The following CPLANE1 variants were observed in gnomAD, a reference collection of about 807,000 sequenced individuals.
The protein encoded by CPLANE1 is ciliogenesis and planar polarity effector complex subunit 1, also known as ciliogenesis and planar polarity effector 1.
Under a neutral mutation model 362.5 loss-of-function variants are expected in CPLANE1, and 263 were observed. The ratio of observed to expected loss-of-function variants is 0.73; its 90% CI spans 0.66 to 0.80. CPLANE1 has a LOEUF of 0.80. Ranked by LOEUF, CPLANE1 falls within the 30% of genes least tolerant of loss-of-function variation. The pLI is 0.00. For missense variants in CPLANE1, 3,461 were observed against 3,793.4 expected (o/e 0.91, Z 2.30); for synonymous variants, 1,212 against 1,302.6 (o/e 0.93, Z 1.50).
chr5:37,080,762 A>G, the CPLANE1 span, among the ~76,000 whole-genome samples: 1 of 152,182 alleles, frequency 6.6e-6, no homozygotes, highest in African/African-American at 2.4e-5. Context: ...CAGCTTAGAC[A>G]CCAGAAAGGC....
chr5:37,121,875 G>C, intron 48 of CPLANE1, 91 bp from the exon 49 acceptor site: 3 of 973,222 alleles, frequency 3.1e-6, no homozygotes, highest in Non-Finnish European at 4.5e-6. Context: ...CACCTAGCAT[G>C]TTCTGGTTTT....
intron 6 of CPLANE1, among the ~76,000 whole-genome samples, chr5:37,241,134 T>A (rs1800335139): frequency 2.0e-5 from 3 of 149,620 alleles, no homozygotes; most frequent in Admixed American, 6.7e-5. Flanking sequence ...AGACTCTGTC[T>A]CAAAAAAAAA....
rs74478954 is a variant in CPLANE1, at chr5:37,195,874, A to T, written c.3795T>A (p.Val1265=). Residue 1265 remains valine, a synonymous_variant, in exon 21 of 53, where the codon GTT becomes GTA. Transcript: ENST00000651892. ...GAAGDHKLDE[V]SIRAIGCFRE... The stretch of plus-strand genomic sequence containing the variant: ...TGGACAAACCTATTGCTCTAATGGA[A>T]ACTTCATCAAGCTTGTGGTCTCCAG... 9,086 of 1,610,988 alleles carry T rather than the reference A, an allele frequency of 5.6e-3. 116 individuals carry two copies. Among genetic ancestry groups the T allele is most frequent in the African/African-American group, 0.048 (3,619 of 74,806 alleles).
Position 37,232,758 on chromosome 5 carries a change from T to C in CPLANE1, c.939-1709A>G, listed in dbSNP as rs141711343. Among the ~76,000 whole-genome samples, 320 of 148,222 alleles carry C rather than the reference T, an allele frequency of 2.2e-3. 1 individual carries two copies. The highest frequency in any genetic ancestry group is 7.8e-3 in the African/African-American group (313 of 40,172). On this transcript the variant is annotated intron_variant, in intron 8 of 52. Transcript: ENST00000651892. ...AGTTGAGGCAGGCAGGGGGATAGCT[T>C]GAGCCTAGAAGTTTGAGGCTGCAGT... is the stretch of plus-strand genomic sequence containing the variant.
In CPLANE1 at chr5:37,142,574, C is replaced by T. The variant is rs554811663; in HGVS notation, c.8462-94G>A. ...TTGCCACTATTTCCAACTGGCAACC[C>T]AGATATTAGAAGTTTGTCACATATT... On this transcript the variant is annotated intron_variant, in intron 43 of 52. Coordinates refer to ENST00000651892, the MANE Select transcript of CPLANE1 (RefSeq NM_001384732.1). 102 of 762,960 alleles carry T rather than the reference C, an allele frequency of 1.3e-4. No individual in the cohort carries two copies. In the South Asian group the frequency reaches 2.2e-3, roughly 16 times the overall value. The allele number at this position is 762,960 out of a possible 1,614,324, so 47.3% of individuals were successfully genotyped here.
intron 15 of CPLANE1, among the ~76,000 whole-genome samples, chr5:37,217,774 C>T (rs181460231): frequency 2.0e-5 from 3 of 149,128 alleles, no homozygotes; most frequent in Non-Finnish European, 3.0e-5. Context: ...GTCAGGAGTT[C>T]GATACCAGCC....
Position 37,165,583 on chromosome 5 carries a change from A to T in CPLANE1, c.7489T>A (p.Ser2497Thr). The change falls in exon 36 of 53, where the codon TCC becomes ACC. Residue 2497 changes from serine (S) to threonine (T), a missense_variant. Ser to Thr is a moderately conservative substitution (Grantham distance 58). This residue lies in a region of CPLANE1 where 3,380 missense variants were observed against 3,666.1 expected (regional missense o/e 0.92). Transcript: ENST00000651892. ...KPNVTFRPEN[S>T]IINNDDSEII... is the part of the protein sequence containing the mutation. ...TCTGAATCATCATTATTAATTATGG[A>T]ATTCTCTGGTCGAAAAGTCACATTT... is the stretch of plus-strand genomic sequence containing the variant. 6.2e-7 allele frequency: 1 copy of T among 1,609,508 alleles called. No individual in the cohort carries two copies. Among genetic ancestry groups the T allele is most frequent in the Non-Finnish European group, 8.5e-7 (1 of 1,178,706 alleles).
intron 42 of CPLANE1, among the ~76,000 whole-genome samples, chr5:37,149,991 C>G (rs190266339): frequency 7.7e-4 from 118 of 152,316 alleles, no homozygotes; most frequent in Middle Eastern, 3.4e-3. Flanking sequence ...TAGCAAAAGA[C>G]ATTGTCCCTA....
In CPLANE1 at chr5:37,167,002, T is replaced by C. The variant is rs928159103; in HGVS notation, c.7400+45A>G. On this transcript the variant is annotated intron_variant, in intron 35 of 52. Transcript: ENST00000651892. ...GTGTGATTATAAATAATAATGAACTTGCTGATATATGATATTATCAAATAA... is the reference window on the plus strand; with the variant it reads ...GTGTGATTATAAATAATAATGAACTCGCTGATATATGATATTATCAAATAA... 3 of 1,415,090 alleles carry C rather than the reference T, an allele frequency of 2.1e-6. No individual in the cohort carries two copies. In the African/African-American group the frequency reaches 4.3e-5, roughly 20 times the overall value. The allele number at this position is 1,415,090 out of a possible 1,614,324, so 87.7% of individuals were successfully genotyped here.
chr5:37,130,140 C>G (rs1765354522), intron 46 of CPLANE1, among the ~76,000 whole-genome samples: 1 of 152,110 alleles, frequency 6.6e-6, no homozygotes. Flanking sequence ...TGAAATAACT[C>G]AGGAATGGAA....
At chr5:37,180,785 C>G in intron 27 of CPLANE1, 72 bp downstream of exon 27, 1 of 1,442,598 alleles carries the variant, frequency 6.9e-7, no homozygotes, top group Non-Finnish European at 9.6e-7. Flanking sequence ...AGGGTTTGAT[C>G]TTCCCTTTAA....
intron 18 of CPLANE1, chr5:37,205,100 T>G: frequency 7.4e-6 from 2 of 272,034 alleles, no homozygotes; most frequent in Non-Finnish European, 6.6e-6. Context: ...GAGTTTGCAG[T>G]GAGCTAAGAT....
Position 37,245,704 on chromosome 5 carries a change from C to T in CPLANE1, c.217+6G>A. ...TAGCCATTTGAAAATATCAGTACTA[C>T]TTAACCATTACTGGATGTTGTTAGG... On this transcript the variant is annotated splice_donor_region_variant and intron_variant, in intron 3 of 52. Coordinates refer to ENST00000651892, the MANE Select transcript of CPLANE1 (RefSeq NM_001384732.1). 6.6e-7 allele frequency: 1 copy of T among 1,506,102 alleles called. No individual in the cohort carries two copies. The highest frequency in any genetic ancestry group is 2.5e-5 in the East Asian group (1 of 40,092). The allele number at this position is 1,506,102 out of a possible 1,614,324, so 93.3% of individuals were successfully genotyped here.
At chr5:37,173,179 A>G (rs1320829606) in intron 32 of CPLANE1, among the ~76,000 whole-genome samples, 1 of 152,210 alleles carries the variant, frequency 6.6e-6, no homozygotes, top group Non-Finnish European at 1.5e-5. Context: ...ACAGAAAAAA[A>G]GGATAGCCAG....
At position 37,157,451 on chromosome 5, in the gene CPLANE1, A is replaced by T. The variant is rs776045761; in HGVS notation, c.8012-31T>A. The T allele has an allele frequency of 2.1e-6, 3 of 1,457,024 alleles. No homozygotes were observed. The Admixed American group carries it at 5.4e-5, about 26-fold the overall frequency. 90.3% of individuals were successfully genotyped at this position (1,457,024 alleles called of 1,614,324 possible). A position where few individuals can be genotyped will look rare whatever the true frequency, so the allele number is the denominator to read the frequency against. On this transcript the variant is annotated intron_variant, in intron 40 of 52. Coordinates refer to ENST00000651892, the MANE Select transcript of CPLANE1 (RefSeq NM_001384732.1). ...GGTTTAGAAAATAAATCCATAGAGG[A>T]ATTGGCTGATTCTATCAAGACTATG...
chr5:37,158,417 G>T, intron 38 of CPLANE1, 72 bp from the exon 39 acceptor site: 1 of 1,412,916 alleles, frequency 7.1e-7, no homozygotes, highest in African/African-American at 1.4e-5. Flanking sequence ...CATCAGCTTT[G>T]TATGAACAAG....
At chr5:37,194,466 T>C (rs926947626) in intron 21 of CPLANE1, among the ~76,000 whole-genome samples, 1 of 152,140 alleles carries the variant, frequency 6.6e-6, no homozygotes, top group Non-Finnish European at 1.5e-5. Context: ...ATAAATGAGA[T>C]TGTACATACT....
In CPLANE1 at chr5:37,158,347, T is replaced by C; in HGVS notation, c.7691-2A>G. The C allele has an allele frequency of 6.2e-7, 1 of 1,608,234 alleles. No homozygotes were observed. The highest frequency in any genetic ancestry group is 8.5e-7 in the Non-Finnish European group (1 of 1,177,470). ...GAGGAGCAGTCAAAGGCTCATGTTC[T>C]GAAAATTAAAAAAGAAATAATCAGG... On this transcript the variant is annotated splice_acceptor_variant, in intron 38 of 52. Coordinates refer to ENST00000651892, the MANE Select transcript of CPLANE1 (RefSeq NM_001384732.1). LOFTEE classifies it high-confidence loss of function.
chr5:37,125,038 A>T, intron 47 of CPLANE1: 1 of 1,331,874 alleles, frequency 7.5e-7, no homozygotes, highest in Non-Finnish European at 9.5e-7. Flanking sequence ...AATATTTAAG[A>T]TAATTCAGTA....
Sources: allele counts gnomAD v4.1 joint callset (sites outside exome capture counted in the v4.1 genomes callset), GRCh38; gene constraint gnomAD v4.1.1; regional missense constraint gnomAD v4.1.1; transcripts MANE v1.5; gene names NCBI Gene and HGNC (gene_info 2026-07-23, HGNC 2026-07-21).